CDH12: variants seen among roughly 807,000 people sequenced by gnomAD.
CDH12 encodes cadherin-12.
Under a neutral mutation model 74.1 loss-of-function variants are expected in CDH12, and 41 were observed. That is an observed-to-expected ratio of 0.55 (90% CI 0.43 to 0.72). The LOEUF is 0.72. Among genes scored for constraint, CDH12 ranks in the 30% least tolerant of loss-of-function variants. The probability of loss-of-function intolerance (pLI) is 0.00; values close to 1 mark genes in which losing one functional copy is unlikely to be tolerated. For missense variants in CDH12, 945 were observed against 977.2 expected (o/e 0.97, Z 0.44); for synonymous variants, 399 against 355.0 (o/e 1.12, Z -1.39).
chr5:22,779,788 G>A (rs1747295441), intron 1 of CDH12, among the ~76,000 whole-genome samples: 1 of 152,162 alleles, frequency 6.6e-6, no homozygotes, highest in African/African-American at 2.4e-5. Flanking sequence ...CCTCAGCCAT[G>A]TGGAACTGCA....
chr5:22,220,470 TTATA>T (rs1284014790), intron 3 of CDH12, among the ~76,000 whole-genome samples: 6 of 151,858 alleles, frequency 4.0e-5, no homozygotes, highest in Admixed American at 2.0e-4. Flanking sequence ...ATAAGCCTGT[TTATA>T]TATACATTTT....
At chr5:22,841,849 A>AAT (rs1353256500) in intron 1 of CDH12, among the ~76,000 whole-genome samples, 1 of 152,170 alleles carries the variant, frequency 6.6e-6, no homozygotes, top group Admixed American at 6.6e-5. Context: ...TTTTTGGAAG[A>AAT]ATACTTAGGA....
intron 1 of CDH12, among the ~76,000 whole-genome samples, chr5:22,628,331 T>A (rs1038745740): frequency 2.0e-5 from 3 of 152,104 alleles, no homozygotes; most frequent in African/African-American, 7.2e-5. Context: ...TGCTATAAAG[T>A]TGACTACACA....
intron 5 of CDH12, among the ~76,000 whole-genome samples, chr5:22,020,263 T>A (rs1737882950): frequency 6.6e-6 from 1 of 151,986 alleles, no homozygotes; most frequent in African/African-American, 2.4e-5. Flanking sequence ...GGTTAAGAAG[T>A]CCAATTATGG....
chr5:21,825,622 C>G (rs1218045101), intron 8 of CDH12, among the ~76,000 whole-genome samples: 1 of 152,126 alleles, frequency 6.6e-6, no homozygotes, highest in African/African-American at 2.4e-5. Flanking sequence ...ACTTAACAAC[C>G]ACTCCACAAG....
intron 1 of CDH12, among the ~76,000 whole-genome samples, chr5:22,575,346 C>T (rs1014395617): frequency 6.6e-6 from 1 of 151,972 alleles, no homozygotes; most frequent in African/African-American, 2.4e-5. Context: ...CTTTTGTGTA[C>T]TCTGGGCTGA....
chr5:22,269,706 C>T (rs1002757708), intron 3 of CDH12, among the ~76,000 whole-genome samples: 15 of 152,154 alleles, frequency 9.9e-5, no homozygotes, highest in Non-Finnish European at 2.1e-4. Flanking sequence ...CCTGAAATGA[C>T]TTTCTGCTTA....
chr5:22,281,755 T>C (rs1408251379), intron 3 of CDH12, among the ~76,000 whole-genome samples: 1 of 152,162 alleles, frequency 6.6e-6, no homozygotes, highest in African/African-American at 2.4e-5. Flanking sequence ...CATTCCATGC[T>C]CATGGATAGA....
chr5:22,110,402 C>G (rs983845640), intron 4 of CDH12, among the ~76,000 whole-genome samples: 7 of 150,692 alleles, frequency 4.6e-5, no homozygotes, highest in African/African-American at 1.7e-4. Context: ...ACATGGGAGA[C>G]AGGGGTAGTA....
At chr5:22,776,019 A>G (rs1747081360) in intron 1 of CDH12, among the ~76,000 whole-genome samples, 1 of 152,070 alleles carries the variant, frequency 6.6e-6, no homozygotes, top group African/African-American at 2.4e-5. Flanking sequence ...GCCTCTCGCC[A>G]TGATTCTGAG....
At chr5:22,701,592 C>A (rs1385637789) in intron 1 of CDH12, among the ~76,000 whole-genome samples, 1 of 152,102 alleles carries the variant, frequency 6.6e-6, no homozygotes, top group Non-Finnish European at 1.5e-5. Context: ...CTCTCTGGAT[C>A]TCCTTTAGAT....
intron 1 of CDH12, among the ~76,000 whole-genome samples, chr5:22,705,530 A>ACACAC (rs1580907667): frequency 7.8e-5 from 6 of 76,504 alleles, no homozygotes; most frequent in East Asian, 3.8e-4. Flanking sequence ...CACACACACA[A>ACACAC]ACACACACCA....
chr5:22,217,759 T>G (rs1470786612), intron 3 of CDH12, among the ~76,000 whole-genome samples: 1 of 151,520 alleles, frequency 6.6e-6, no homozygotes. Flanking sequence ...ATTAAACAAA[T>G]GGACATATAA....
intron 5 of CDH12, among the ~76,000 whole-genome samples, chr5:22,018,784 A>G (rs1737773553): frequency 6.6e-6 from 1 of 152,116 alleles, no homozygotes. Flanking sequence ...TACGTTCAGA[A>G]ATGTTGGCCA....
intron 1 of CDH12, among the ~76,000 whole-genome samples, chr5:22,731,050 C>T (rs1744410417): frequency 6.6e-6 from 1 of 151,798 alleles, no homozygotes; most frequent in Admixed American, 6.6e-5. Context: ...TCTTCATTTT[C>T]ATCAAAAGCA....
intron 1 of CDH12, among the ~76,000 whole-genome samples, chr5:22,696,619 T>C (rs530667432): frequency 6.6e-6 from 1 of 152,322 alleles, no homozygotes; most frequent in African/African-American, 2.4e-5. Context: ...GTGGGTGTTT[T>C]TTATTCACAT....
intron 5 of CDH12, among the ~76,000 whole-genome samples, chr5:22,063,336 T>C (rs940158481): frequency 3.3e-5 from 5 of 152,150 alleles, no homozygotes; most frequent in African/African-American, 9.7e-5. Flanking sequence ...GTTTGTAGTT[T>C]CATCCTGGTT....
At chr5:22,287,520 C>T (rs537857844) in intron 3 of CDH12, among the ~76,000 whole-genome samples, 2,727 of 151,698 alleles carry the variant, frequency 0.018, 32 homozygotes, top group Middle Eastern at 0.024. Context: ...GTCAGGAGAT[C>T]GAGACCATCT....
chr5:22,479,561 G>A (rs1283480260), intron 2 of CDH12, among the ~76,000 whole-genome samples: 3 of 152,164 alleles, frequency 2.0e-5, no homozygotes, highest in African/African-American at 7.2e-5. Context: ...TCTCCAGCTT[G>A]TTGACTTGAA....
Sources: gnomAD v4.1 joint callset for allele counts (sites outside exome capture counted in the v4.1 genomes callset) on GRCh38, gnomAD v4.1.1 for gene constraint, MANE v1.5 for transcripts, NCBI Gene and HGNC (gene_info 2026-07-23, HGNC 2026-07-21) for gene names.